ACSS3: variants seen among roughly 807,000 people sequenced by gnomAD.
The protein encoded by ACSS3 is acyl-CoA synthetase short-chain family member 3, mitochondrial.
A neutral mutation model predicts 84.2 loss-of-function variants in ACSS3; 64 were observed. That is an observed-to-expected ratio of 0.76 (90% CI 0.62 to 0.94). The LOEUF (loss-of-function observed/expected upper bound fraction) is 0.94. Among genes scored for constraint, ACSS3 ranks in the 40% least tolerant of loss-of-function variants. The pLI is 0.00. For synonymous variants in ACSS3, 317 were observed against 310.1 expected, an observed-to-expected ratio of 1.02 and a Z score of -0.23; for missense variants, 815 against 867.6, an observed-to-expected ratio of 0.94 and a Z score of 0.76.
intron 11 of ACSS3, among the ~76,000 whole-genome samples, chr12:81,223,157 G>T (rs941674463): frequency 6.6e-5 from 10 of 151,974 alleles, no homozygotes; most frequent in African/African-American, 2.4e-4. Context: ...AAAGCCATAG[G>T]TCTCTGGCTC....
chr12:81,143,181 T>C lies in ACSS3; in HGVS notation c.855T>C (p.Cys285=). The change falls in exon 5 of 16, where the codon TGT becomes TGC. Residue 285 remains cysteine, a synonymous_variant. Transcript: ENST00000548058. ...EEMAKAQSHD[C]VPVLSEHPLY... ...TGGCAAAAGCCCAGTCACATGACTGTGTTCCTGTTCTTTCAGAACACCCAC... is the reference window on the plus strand; with the variant it reads ...TGGCAAAAGCCCAGTCACATGACTGCGTTCCTGTTCTTTCAGAACACCCAC... 1 of 1,613,756 alleles carries C rather than the reference T, an allele frequency of 6.2e-7. No individual in the cohort carries two copies. The highest frequency in any genetic ancestry group is 8.5e-7 in the Non-Finnish European group (1 of 1,179,694).
chr12:81,120,159 A>G (rs953433535), intron 2 of ACSS3, among the ~76,000 whole-genome samples: 3 of 152,232 alleles, frequency 2.0e-5, no homozygotes, highest in Non-Finnish European at 4.4e-5. Context: ...TGGATTTGAC[A>G]TAGTTAATAA....
At chr12:81,169,216 T>TAC (rs2135804627) in intron 7 of ACSS3, among the ~76,000 whole-genome samples, 1 of 152,292 alleles carries the variant, frequency 6.6e-6, no homozygotes, top group South Asian at 2.1e-4. Flanking sequence ...AGAATGATGG[T>TAC]ACATCCCTAG....
chr12:81,243,754 T>C (rs1234720092), intron 13 of ACSS3, among the ~76,000 whole-genome samples: 1 of 152,148 alleles, frequency 6.6e-6, no homozygotes, highest in Non-Finnish European at 1.5e-5. Context: ...TATTTCTAAT[T>C]CCTCCCTTGT....
At chr12:81,089,374 T>C (rs559360425) in intron 1 of ACSS3, among the ~76,000 whole-genome samples, 1 of 152,096 alleles carries the variant, frequency 6.6e-6, no homozygotes, top group Non-Finnish European at 1.5e-5. Context: ...CCTTGATTAA[T>C]GGCATATGTT....
intron 9 of ACSS3, among the ~76,000 whole-genome samples, chr12:81,214,623 A>T (rs546343504): frequency 6.6e-6 from 1 of 152,344 alleles, no homozygotes; most frequent in East Asian, 1.9e-4. Flanking sequence ...CAGCTTACTT[A>T]GGCAGTGAAG....
In ACSS3 at chr12:81,256,258, T is replaced by C. The variant is rs969386419; in HGVS notation, c.*1336T>C. On this transcript the variant is annotated 3_prime_UTR_variant, in exon 16 of 16. Coordinates refer to ENST00000548058, the MANE Select transcript of ACSS3 (RefSeq NM_024560.4). Reference sequence around the variant, plus strand: ...TTTTTAAAGAGAAAACAAAGAATCCTGGTTTTTATGTGAAATCTCTAATTT... The same window carrying C: ...TTTTTAAAGAGAAAACAAAGAATCCCGGTTTTTATGTGAAATCTCTAATTT... 2 of 152,178 alleles carry C rather than the reference T, an allele frequency of 1.3e-5. No individual in the cohort carries two copies. Among genetic ancestry groups the C allele is most frequent in the Non-Finnish European group, 2.9e-5 (2 of 68,012 alleles). The allele number at this position is 152,178 out of a possible 1,614,324, so 9.4% of individuals were successfully genotyped here. A position where few individuals can be genotyped will look rare whatever the true frequency, so the allele number is the denominator to read the frequency against.
intron 15 of ACSS3, among the ~76,000 whole-genome samples, chr12:81,254,034 C>T (rs888129273): frequency 3.9e-5 from 6 of 152,116 alleles, no homozygotes; most frequent in African/African-American, 1.4e-4. Flanking sequence ...AAGAGATCCT[C>T]TCACATCAGT....
At chr12:81,134,295 A>G (rs1249525995) in intron 2 of ACSS3, among the ~76,000 whole-genome samples, 1 of 152,168 alleles carries the variant, frequency 6.6e-6, no homozygotes, top group Admixed American at 6.6e-5. Context: ...TGTAAATAAT[A>G]ATATAGTAGA....
At chr12:81,200,663 G>T (rs143820647) in intron 9 of ACSS3, among the ~76,000 whole-genome samples, 4 of 152,042 alleles carry the variant, frequency 2.6e-5, no homozygotes, top group Non-Finnish European at 4.4e-5. Context: ...GCAAAAACAG[G>T]CAGATCACTT....
chr12:81,211,018 C>G (rs922284158), intron 9 of ACSS3, among the ~76,000 whole-genome samples: 11 of 151,760 alleles, frequency 7.2e-5, no homozygotes. Context: ...ACTTTGTTGC[C>G]CAGGCTGGAG....
intron 11 of ACSS3, among the ~76,000 whole-genome samples, chr12:81,224,168 G>A (rs2033197099): frequency 3.3e-5 from 5 of 151,984 alleles, no homozygotes; most frequent in African/African-American, 1.2e-4. Flanking sequence ...CGTGGTGATA[G>A]CATTTGCTTT....
At chr12:81,129,941 C>A (rs981089617) in intron 2 of ACSS3, among the ~76,000 whole-genome samples, 13 of 152,194 alleles carry the variant, frequency 8.5e-5, no homozygotes, top group African/African-American at 3.1e-4. Flanking sequence ...CATGCCCCTA[C>A]AAAGGACATG....
chr12:81,199,675 G>T (rs1593188438), intron 9 of ACSS3: 4 of 1,448,094 alleles, frequency 2.8e-6, no homozygotes, highest in Non-Finnish European at 3.7e-6. Flanking sequence ...AAGCACTAAA[G>T]ACCTCTTTAT....
At chr12:81,186,396 G>C (rs1249671684) in intron 8 of ACSS3, among the ~76,000 whole-genome samples, 1 of 151,708 alleles carries the variant, frequency 6.6e-6, no homozygotes, top group Non-Finnish European at 1.5e-5. Flanking sequence ...CACAGCAAAG[G>C]AAACAGCTAA....
intron 11 of ACSS3, among the ~76,000 whole-genome samples, chr12:81,220,599 C>T (rs1353176827): frequency 6.6e-6 from 1 of 152,008 alleles, no homozygotes; most frequent in Non-Finnish European, 1.5e-5. Context: ...CCCTCCCTCA[C>T]ACCTTTTGGA....
intron 9 of ACSS3, among the ~76,000 whole-genome samples, chr12:81,206,957 A>G (rs974453849): frequency 1.1e-4 from 17 of 152,164 alleles, no homozygotes; most frequent in Admixed American, 5.9e-4. Context: ...TTTTTAAAAA[A>G]TATATTACAC....
intron 8 of ACSS3, among the ~76,000 whole-genome samples, chr12:81,178,217 A>G (rs1028354642): frequency 1.3e-5 from 2 of 150,608 alleles, no homozygotes; most frequent in African/African-American, 4.9e-5. Context: ...CTCAAGGACA[A>G]AAAACCAAAC....
intron 8 of ACSS3, among the ~76,000 whole-genome samples, chr12:81,175,455 T>C (rs533145805): frequency 6.6e-6 from 1 of 152,282 alleles, no homozygotes; most frequent in Admixed American, 6.5e-5. Flanking sequence ...ATTCAATAGA[T>C]GATTGAGGCA....
Sources: allele counts gnomAD v4.1 joint callset (sites outside exome capture counted in the v4.1 genomes callset), GRCh38; gene constraint gnomAD v4.1.1; transcripts MANE v1.5; gene names NCBI Gene and HGNC (gene_info 2026-07-23, HGNC 2026-07-21).